The following RALYL variants were observed in gnomAD, a reference collection of about 807,000 sequenced individuals.
RALYL encodes RALY RNA binding protein like, also known as RNA-binding Raly-like protein.
RALYL carries 29 observed loss-of-function variants against 35.1 expected under a neutral mutation model. The ratio of observed to expected loss-of-function variants is 0.83; its 90% CI spans 0.61 to 1.13. The LOEUF (loss-of-function observed/expected upper bound fraction) is 1.13, where lower values mean the gene tolerates loss of function less well. Among genes scored for constraint, RALYL ranks in the 50% most tolerant of loss-of-function variants. The pLI, the probability that RALYL is intolerant of heterozygous loss-of-function variation, is 0.00. For synonymous variants in RALYL, 120 were observed against 127.6 expected (o/e 0.94, Z 0.40); for missense variants, 359 against 360.4 (o/e 1.00, Z 0.03).
At chr8:84,594,127 T>C (rs527508291) in intron 2 of RALYL, among the ~76,000 whole-genome samples, 4 of 152,188 alleles carry the variant, frequency 2.6e-5, no homozygotes, top group Non-Finnish European at 5.9e-5. Context: ...ATTCAGTTCA[T>C]ATTTCTGGCT....
intron 2 of RALYL, among the ~76,000 whole-genome samples, chr8:84,774,302 T>C (rs1010781234): frequency 1.3e-5 from 2 of 152,172 alleles, no homozygotes; most frequent in East Asian, 1.9e-4. Context: ...TTTTCTAATA[T>C]GGTATATAGT....
Position 84,417,110 on chromosome 8 carries a change from GAACAA to G in RALYL, c.-23-112186_-23-112182del, listed in dbSNP as rs563275510. On this transcript the variant is annotated intron_variant, in intron 1 of 8. Transcript: ENST00000521268. ...GTAGTAGTTAAATAGGCAGGAATTA[GAACAA>G]AAAAAAAAAAAGAGGAAACAAGATG... Among the ~76,000 whole-genome samples the G allele has an allele frequency of 6.1e-3, 873 of 144,062 alleles. 12 individuals carry two copies. The highest frequency in any genetic ancestry group is 0.02 in the African/African-American group (803 of 39,276). The allele number at this position is 144,062 out of a possible 152,430, so 94.5% of individuals were successfully genotyped here.
intron 2 of RALYL, among the ~76,000 whole-genome samples, chr8:84,652,165 G>A (rs1387314607): frequency 6.6e-6 from 1 of 152,010 alleles, no homozygotes; most frequent in African/African-American, 2.4e-5. Context: ...AATTGTAAGA[G>A]GAGGGTAAAA....
At chr8:84,465,274 G>A (rs1190242294) in intron 1 of RALYL, among the ~76,000 whole-genome samples, 71 of 116,602 alleles carry the variant, frequency 6.1e-4, no homozygotes, top group African/African-American at 7.3e-4. Context: ...TATGGTTTTA[G>A]GTCTAACGTT....
chr8:84,501,379 A>G (rs1399996857), intron 1 of RALYL, among the ~76,000 whole-genome samples: 1 of 152,138 alleles, frequency 6.6e-6, no homozygotes, highest in Admixed American at 6.5e-5. Flanking sequence ...AGAAGAAATA[A>G]CATTTCTTAA....
At chr8:84,232,260 C>T (rs1429972720) in intron 1 of RALYL, among the ~76,000 whole-genome samples, 1 of 152,032 alleles carries the variant, frequency 6.6e-6, no homozygotes, top group Non-Finnish European at 1.5e-5. Flanking sequence ...ATAAAAACTT[C>T]CAACTTCTCT....
chr8:84,467,350 T>C (rs2051857360), intron 1 of RALYL, among the ~76,000 whole-genome samples: 1 of 151,808 alleles, frequency 6.6e-6, no homozygotes, highest in Non-Finnish European at 1.5e-5. Flanking sequence ...GTGTCTTTGT[T>C]CTCGTTGGTT....
At chr8:84,223,728 A>T (rs1823103949) in intron 1 of RALYL, among the ~76,000 whole-genome samples, 1 of 152,244 alleles carries the variant, frequency 6.6e-6, no homozygotes, top group Non-Finnish European at 1.5e-5. Flanking sequence ...AGATGCTGCA[A>T]CATCTTGTCC....
intron 2 of RALYL, among the ~76,000 whole-genome samples, chr8:84,572,282 A>G (rs907866719): frequency 3.3e-5 from 5 of 151,618 alleles, no homozygotes; most frequent in Admixed American, 2.6e-4. Context: ...TACTGCATTT[A>G]GGCCTTTTAT....
chr8:84,554,186 C>T (rs775880172), intron 2 of RALYL, among the ~76,000 whole-genome samples: 7 of 152,234 alleles, frequency 4.6e-5, no homozygotes, highest in African/African-American at 7.2e-5. Flanking sequence ...GACATTTACT[C>T]GTGTGTAGGC....
intron 1 of RALYL, among the ~76,000 whole-genome samples, chr8:84,234,770 T>TA (rs1491275829): frequency 9.6e-4 from 58 of 60,498 alleles, no homozygotes; most frequent in Admixed American, 3.7e-3. Context: ...TATTTATTTA[T>TA]TTTTTTTTTT....
intron 1 of RALYL, among the ~76,000 whole-genome samples, chr8:84,435,646 C>T (rs1048750566): frequency 6.6e-5 from 10 of 152,102 alleles, no homozygotes; most frequent in African/African-American, 2.2e-4. Flanking sequence ...TTAATCTCAA[C>T]ATATCACAGA....
intron 1 of RALYL, among the ~76,000 whole-genome samples, chr8:84,518,397 G>A (rs1288819171): frequency 6.6e-6 from 1 of 152,132 alleles, no homozygotes; most frequent in South Asian, 2.1e-4. Flanking sequence ...TGCATCAATA[G>A]GAATAAGATT....
chr8:84,662,329 C>G (rs1172756764), intron 2 of RALYL, among the ~76,000 whole-genome samples: 1 of 151,956 alleles, frequency 6.6e-6, no homozygotes, highest in Non-Finnish European at 1.5e-5. Context: ...GCTTTAGGTC[C>G]TTGATCAGTT....
intron 1 of RALYL, among the ~76,000 whole-genome samples, chr8:84,460,493 G>T (rs1443726132): frequency 6.6e-6 from 1 of 151,602 alleles, no homozygotes; most frequent in Non-Finnish European, 1.5e-5. Context: ...AAAAAGAAAT[G>T]CAAAAACTCT....
chr8:84,647,279 G>A (rs933304797), intron 2 of RALYL, among the ~76,000 whole-genome samples: 1 of 152,066 alleles, frequency 6.6e-6, no homozygotes, highest in Non-Finnish European at 1.5e-5. Flanking sequence ...ACAGCATGAT[G>A]GTCTTGAGGT....
At chr8:84,444,713 C>CA (rs1001826413) in intron 1 of RALYL, among the ~76,000 whole-genome samples, 16 of 151,904 alleles carry the variant, frequency 1.1e-4, no homozygotes, top group African/African-American at 2.7e-4. Flanking sequence ...AGCGTCCATG[C>CA]AAAAAACAAT....
chr8:84,559,104 T>A (rs1049992372), intron 2 of RALYL, among the ~76,000 whole-genome samples: 1 of 152,050 alleles, frequency 6.6e-6, no homozygotes, highest in Non-Finnish European at 1.5e-5. Context: ...ACATTTTTTT[T>A]AAATTACTGA....
intron 2 of RALYL, among the ~76,000 whole-genome samples, chr8:84,719,676 TA>T (rs1843540593): frequency 6.6e-6 from 1 of 152,112 alleles, no homozygotes. Flanking sequence ...AAAATTGACA[TA>T]AAAATTGTAC....
Sources: gnomAD v4.1 joint callset for allele counts (sites outside exome capture counted in the v4.1 genomes callset) on GRCh38, gnomAD v4.1.1 for gene constraint, MANE v1.5 for transcripts, NCBI Gene and HGNC (gene_info 2026-07-23, HGNC 2026-07-21) for gene names.